RUFY1: variants seen among roughly 807,000 people sequenced by gnomAD.
The protein encoded by RUFY1 is RUN and FYVE domain containing 1.
RUFY1 carries 54 observed loss-of-function variants against 94.6 expected under a neutral mutation model. That is an observed-to-expected ratio of 0.57 (90% CI 0.46 to 0.72). The LOEUF is 0.72. RUFY1 is among the 30% of genes least tolerant of loss of function. The pLI is 0.00. For synonymous variants in RUFY1, 396 were observed against 347.3 expected (o/e 1.14, Z -1.56); for missense variants, 883 against 883.9 (o/e 1.00, Z 0.01).
At chr5:179,594,387 T>G (rs946253988) in intron 11 of RUFY1, among the ~76,000 whole-genome samples, 7 of 150,852 alleles carry the variant, frequency 4.6e-5, no homozygotes, top group Non-Finnish European at 8.8e-5. Flanking sequence ...GCCACATAGG[T>G]AGCTGGTTGC....
intron 11 of RUFY1, 125 bp downstream of exon 11, chr5:179,593,770 A>G (rs1167896512): frequency 7.2e-7 from 1 of 1,395,644 alleles, no homozygotes; most frequent in East Asian, 2.5e-5. Flanking sequence ...ACCTGCTCCT[A>G]GGACCTATTA....
rs147591725 is a variant in RUFY1, at chr5:179,598,470, CGTAA to C, written c.1632-219_1632-216del. 626 of 583,236 alleles carry C rather than the reference CGTAA, an allele frequency of 1.1e-3. 4 individuals carry two copies. The highest frequency in any genetic ancestry group is 0.011 in the African/African-American group (569 of 53,554). The allele number at this position is 583,236 out of a possible 1,614,324, so 36.1% of individuals were successfully genotyped here. A position where few individuals can be genotyped will look rare whatever the true frequency, so the allele number is the denominator to read the frequency against. ...CTAGAGCTCTCTTCCTTCTCCCCTG[CGTAA>C]GTGTCAAGTGTGTGCCTGCAGGCTT... On this transcript the variant is annotated intron_variant, in intron 13 of 17. Transcript: ENST00000319449.
intron 9 of RUFY1, 71 bp downstream of exon 9, chr5:179,589,718 T>C (rs1278132809): frequency 5.1e-5 from 60 of 1,176,318 alleles, no homozygotes; most frequent in Non-Finnish European, 7.6e-5. Flanking sequence ...CTCAAGCTCA[T>C]GGCTTAACAA....
intron 7 of RUFY1, among the ~76,000 whole-genome samples, chr5:179,583,981 G>A (rs558249419): frequency 1.4e-5 from 2 of 144,048 alleles, no homozygotes; most frequent in African/African-American, 2.6e-5. Flanking sequence ...ATCTCCTGAC[G>A]TTGTGATCCG....
In RUFY1 at chr5:179,575,288, C is replaced by T. The variant is rs560680520; in HGVS notation, c.829-1787C>T. Among the ~76,000 whole-genome samples the T allele has an allele frequency of 2.0e-5, 3 of 152,140 alleles. No individual in the cohort carries two copies. In the East Asian group the frequency reaches 5.8e-4, roughly 29 times the overall value. On this transcript the variant is annotated intron_variant, in intron 5 of 17. Transcript: ENST00000319449. ...TAGTCGGTTCTTGTTCAAGAGCGCACGTGCTTACAGTCAGGTGATGGCTGG... is the reference window on the plus strand; with the variant it reads ...TAGTCGGTTCTTGTTCAAGAGCGCATGTGCTTACAGTCAGGTGATGGCTGG...
chr5:179,581,084 G>A, intron 7 of RUFY1, 72 bp downstream of exon 7: 2 of 889,578 alleles, frequency 2.2e-6, no homozygotes, highest in Non-Finnish European at 3.6e-6. Context: ...GGAACTTCGA[G>A]TTGCCACGTA....
intron 15 of RUFY1, among the ~76,000 whole-genome samples, chr5:179,602,974 A>G (rs1484829640): frequency 6.6e-6 from 1 of 152,208 alleles, no homozygotes; most frequent in Non-Finnish European, 1.5e-5. Flanking sequence ...GTCTAGTACT[A>G]TTAAGAAAAT....
chr5:179,587,195 G>T (rs151042097), intron 8 of RUFY1, among the ~76,000 whole-genome samples: 25 of 151,974 alleles, frequency 1.6e-4, no homozygotes, highest in Middle Eastern at 3.4e-3. Flanking sequence ...TGGGACTACA[G>T]GTACACACCA....
chr5:179,605,077 A>G (rs1010149079), intron 15 of RUFY1, among the ~76,000 whole-genome samples: 2 of 152,028 alleles, frequency 1.3e-5, no homozygotes, highest in Non-Finnish European at 2.9e-5. Context: ...TCAGGAGTTC[A>G]AGACCAGCCT....
chr5:179,550,755 G>T lies in RUFY1; in HGVS notation c.186G>T (p.Trp62Cys). 1 of 1,444,626 alleles carries T rather than the reference G, an allele frequency of 6.9e-7. No homozygotes were observed. Among genetic ancestry groups the T allele is most frequent in the African/African-American group, 1.5e-5 (1 of 67,782 alleles). 89.5% of individuals were successfully genotyped at this position (1,444,626 alleles called of 1,614,324 possible). A position where few individuals can be genotyped will look rare whatever the true frequency, so the allele number is the denominator to read the frequency against. ...CGAGGCCGCGGGCGGCCGAGGGCTG[G>T]TCGGCGCCCATCCTGACCCTGGCAC... The part of the protein sequence containing the change: ...SATRPRAAEG[W>C]SAPILTLARR... The change falls in exon 1 of 18, where the codon TGG (tryptophan) becomes TGT (cysteine). Residue 62 changes from tryptophan (W) to cysteine (C), a missense_variant. Transcript: ENST00000319449.
chr5:179,609,123 C>T (rs1383330536), intron 17 of RUFY1, among the ~76,000 whole-genome samples: 5 of 145,648 alleles, frequency 3.4e-5, no homozygotes, highest in Non-Finnish European at 6.0e-5. Context: ...CGGAGAATGG[C>T]GTGAACCTGG....
At chr5:179,595,307 G>A (rs1270066566) in intron 12 of RUFY1, among the ~76,000 whole-genome samples, 3 of 152,118 alleles carry the variant, frequency 2.0e-5, no homozygotes, top group Non-Finnish European at 2.9e-5. Flanking sequence ...GTGAAACCCC[G>A]TCTCTACTAA....
chr5:179,579,664 T>TTTTTC (rs1763954468), intron 6 of RUFY1, among the ~76,000 whole-genome samples: 1 of 90,366 alleles, frequency 1.1e-5, no homozygotes, highest in Non-Finnish European at 2.2e-5. Flanking sequence ...CTTCTTTTTT[T>TTTTTC]TTTTTTTTTT....
chr5:179,596,155 G>A (rs915085727), intron 12 of RUFY1: 7 of 286,338 alleles, frequency 2.4e-5, no homozygotes, highest in Non-Finnish European at 3.4e-5. Context: ...TGACTCAGCC[G>A]TAGAAAGGAA....
intron 3 of RUFY1, among the ~76,000 whole-genome samples, chr5:179,564,921 A>G (rs985588316): frequency 3.9e-5 from 6 of 152,176 alleles, no homozygotes; most frequent in African/African-American, 1.4e-4. Context: ...TGATATGGAA[A>G]GATTTTCAAG....
chr5:179,596,963 T>C (rs1046283268), intron 13 of RUFY1: 1 of 385,324 alleles, frequency 2.6e-6, no homozygotes, highest in South Asian at 8.0e-5. Context: ...CCACCCTTTC[T>C]AAAAAGAAAC....
intron 5 of RUFY1, chr5:179,572,567 C>T: frequency 4.3e-6 from 1 of 232,482 alleles, no homozygotes; most frequent in Non-Finnish European, 9.0e-6. Context: ...TGACTTTTGC[C>T]AGATCACTGT....
intron 2 of RUFY1, 104 bp from the exon 3 acceptor site, chr5:179,562,443 T>G: frequency 1.4e-6 from 1 of 720,008 alleles, no homozygotes; most frequent in Non-Finnish European, 2.5e-6. Context: ...CAGTGAAGTT[T>G]AGCAGCTTTC....
chr5:179,553,738 C>T (rs1197381581), intron 1 of RUFY1, among the ~76,000 whole-genome samples: 1 of 152,034 alleles, frequency 6.6e-6, no homozygotes, highest in African/African-American at 2.4e-5. Context: ...TGCAGTGAGC[C>T]GAGACCATTC....
Sources: allele counts gnomAD v4.1 joint callset (sites outside exome capture counted in the v4.1 genomes callset), GRCh38; gene constraint gnomAD v4.1.1; transcripts MANE v1.5; gene names NCBI Gene and HGNC (gene_info 2026-07-23, HGNC 2026-07-21).